The following CERS6 variants were observed in gnomAD, a reference collection of about 807,000 sequenced individuals.
CERS6 encodes the protein ceramide synthase 6.
A neutral mutation model predicts 56.8 loss-of-function variants in CERS6; 26 were observed. The ratio of observed to expected loss-of-function variants is 0.46; its 90% CI spans 0.34 to 0.63. The LOEUF (loss-of-function observed/expected upper bound fraction) is 0.63, where lower values mean the gene tolerates loss of function less well. Among genes scored for constraint, CERS6 ranks in the 30% least tolerant of loss-of-function variants. The pLI, the probability that CERS6 is intolerant of heterozygous loss-of-function variation, is 0.01. For synonymous variants in CERS6, 164 were observed against 173.3 expected (o/e 0.95, Z 0.42); for missense variants, 415 against 467.5 (o/e 0.89, Z 1.04).
chr2:168,713,266 A>T (rs1021987881), intron 6 of CERS6, among the ~76,000 whole-genome samples: 1 of 152,188 alleles, frequency 6.6e-6, no homozygotes, highest in Non-Finnish European at 1.5e-5. Flanking sequence ...CGATGTGCTC[A>T]TACGTCAGTT....
intron 3 of CERS6, among the ~76,000 whole-genome samples, chr2:168,580,214 T>G (rs1182536009): frequency 6.6e-6 from 1 of 152,222 alleles, no homozygotes; most frequent in African/African-American, 2.4e-5. Context: ...TCTTATTTCA[T>G]ATGTGCTTAA....
intron 1 of CERS6, among the ~76,000 whole-genome samples, chr2:168,463,969 T>C (rs1368786769): frequency 6.6e-6 from 1 of 152,190 alleles, no homozygotes; most frequent in South Asian, 2.1e-4. Context: ...TGTGTGTTCT[T>C]ATATTGCTTA....
Position 168,715,122 on chromosome 2 carries a change from T to A in CERS6, c.731T>A (p.Leu244His), listed in dbSNP as rs751771710. 1 of 1,606,018 alleles carries A rather than the reference T, an allele frequency of 6.2e-7. No individual in the cohort carries two copies. The highest frequency in any genetic ancestry group is 1.1e-5 in the South Asian group (1 of 89,000). Residue 244 changes from leucine (L) to histidine (H), a missense_variant, in exon 7 of 10, where the codon CTT becomes CAT. By Grantham distance (99) the Leu-to-His change is moderately conservative. Transcript: ENST00000305747. ...TGTCTTCATGATTCAGCTGATGCTC[T>A]TCTGGAGGTAAAAGTTTTCTTTCAT... The part of the protein sequence containing the change: ...VLCLHDSADA[L>H]LEAAKMANYA...
At chr2:168,661,230 G>C (rs1294255914) in intron 4 of CERS6, among the ~76,000 whole-genome samples, 1 of 152,104 alleles carries the variant, frequency 6.6e-6, no homozygotes, top group African/African-American at 2.4e-5. Context: ...TTAGGAAAAG[G>C]CTTATTTAAA....
At chr2:168,476,303 T>C (rs1048874357) in intron 1 of CERS6, among the ~76,000 whole-genome samples, 3 of 152,028 alleles carry the variant, frequency 2.0e-5, no homozygotes, top group Non-Finnish European at 4.4e-5. Context: ...TGCATGCATA[T>C]TGTAAAAAAG....
chr2:168,626,985 C>T (rs796212580), intron 3 of CERS6, among the ~76,000 whole-genome samples: 8 of 152,274 alleles, frequency 5.3e-5, no homozygotes, highest in African/African-American at 1.7e-4. Context: ...AACAAAATCC[C>T]TCTTTTGCCC....
At chr2:168,745,844 T>C (rs575650510) in intron 8 of CERS6, among the ~76,000 whole-genome samples, 139 of 152,214 alleles carry the variant, frequency 9.1e-4, no homozygotes, top group African/African-American at 2.7e-3. Context: ...CTCTTTCTCT[T>C]CCTACCTTCA....
chr2:168,633,520 C>G (rs1205177826), intron 4 of CERS6, among the ~76,000 whole-genome samples: 1 of 152,148 alleles, frequency 6.6e-6, no homozygotes, highest in African/African-American at 2.4e-5. Flanking sequence ...AGAGCTCTCT[C>G]CAGTTGGCAA....
chr2:168,633,137 C>A (rs190239171), intron 4 of CERS6, among the ~76,000 whole-genome samples: 4 of 150,016 alleles, frequency 2.7e-5, no homozygotes, highest in Admixed American at 1.3e-4. Flanking sequence ...AATTTCCTTT[C>A]AACTGCCTCT....
chr2:168,703,530 C>T (rs1574174625), intron 6 of CERS6, among the ~76,000 whole-genome samples: 1 of 152,112 alleles, frequency 6.6e-6, no homozygotes, highest in Non-Finnish European at 1.5e-5. Flanking sequence ...TGCACTCCAG[C>T]CTGGGAGACA....
intron 1 of CERS6, among the ~76,000 whole-genome samples, chr2:168,468,992 T>G (rs1240076494): frequency 6.6e-6 from 1 of 152,198 alleles, no homozygotes; most frequent in Non-Finnish European, 1.5e-5. Flanking sequence ...AAGACAGACA[T>G]TTATTGATTT....
At chr2:168,613,573 T>G (rs776854502) in intron 3 of CERS6, among the ~76,000 whole-genome samples, 20 of 152,138 alleles carry the variant, frequency 1.3e-4, no homozygotes. Context: ...ATATAAGAGT[T>G]CAAGAGAACT....
chr2:168,565,167 TA>T (rs1695862016), intron 3 of CERS6, among the ~76,000 whole-genome samples: 1 of 152,150 alleles, frequency 6.6e-6, no homozygotes, highest in Non-Finnish European at 1.5e-5. Flanking sequence ...CCGTGAGGGA[TA>T]AAGTAGAATT....
chr2:168,733,182 A>T (rs1683600369), intron 8 of CERS6, among the ~76,000 whole-genome samples: 1 of 152,224 alleles, frequency 6.6e-6, no homozygotes, highest in Admixed American at 6.5e-5. Context: ...GATTTCAGAC[A>T]AAACAGCTTC....
chr2:168,634,107 A>G (rs552398136), intron 4 of CERS6, among the ~76,000 whole-genome samples: 18 of 152,228 alleles, frequency 1.2e-4, no homozygotes, highest in Non-Finnish European at 2.1e-4. Flanking sequence ...GGAAGTAGAC[A>G]CTACAGAACA....
intron 4 of CERS6, among the ~76,000 whole-genome samples, chr2:168,639,428 T>G (rs1684936269): frequency 6.6e-6 from 1 of 152,178 alleles, no homozygotes; most frequent in Non-Finnish European, 1.5e-5. Context: ...GAAAAATGAT[T>G]TACTGAATTT....
rs142035175 is a variant in CERS6 at position 168,730,147 on chromosome 2, A to G, written c.845+12169A>G. On this transcript the variant is annotated intron_variant, in intron 8 of 9. Transcript: ENST00000305747. The stretch of plus-strand genomic sequence containing the variant: ...GAGTGACTTAGTAGCTTTCAAAAGC[A>G]GGAGCATCCCAGCCACTGAATTGTT... 7.2e-3 allele frequency among the ~76,000 whole-genome samples: 1,095 copies of G among 152,370 alleles called. 14 individuals are homozygous for G. Among genetic ancestry groups the G allele is most frequent in the African/African-American group, 0.024 (1,003 of 41,584 alleles).
At chr2:168,605,399 C>A (rs999822407) in intron 3 of CERS6, among the ~76,000 whole-genome samples, 1 of 152,068 alleles carries the variant, frequency 6.6e-6, no homozygotes, top group African/African-American at 2.4e-5. Context: ...TTGGAACTTA[C>A]GTAATATTTA....
At chr2:168,501,748 A>G (rs555113045) in intron 1 of CERS6, among the ~76,000 whole-genome samples, 15 of 152,348 alleles carry the variant, frequency 9.8e-5, no homozygotes, top group African/African-American at 3.6e-4. Flanking sequence ...AGTGATAGGC[A>G]CAGTGAAAAT....
Sources: allele counts gnomAD v4.1 joint callset (sites outside exome capture counted in the v4.1 genomes callset), GRCh38; gene constraint gnomAD v4.1.1; transcripts MANE v1.5; gene names NCBI Gene and HGNC (gene_info 2026-07-23, HGNC 2026-07-21).